Variants in FSTL5 observed in about 807,000 individuals in gnomAD.
FSTL5 encodes follistatin like 5.
Under a neutral mutation model 89.1 loss-of-function variants are expected in FSTL5, and 62 were observed. The ratio of observed to expected loss-of-function variants is 0.70; its 90% confidence interval spans 0.57 to 0.86. FSTL5 has a LOEUF of 0.86. FSTL5 is among the 40% of genes least tolerant of loss of function. The pLI is 0.00. For synonymous variants in FSTL5, 383 were observed against 346.2 expected, an observed-to-expected ratio of 1.11 and a Z score of -1.18; for missense variants, 1,057 against 1,001.6, an observed-to-expected ratio of 1.06 and a Z score of -0.75.
At chr4:162,038,362 T>C (rs944253035) in intron 2 of FSTL5, among the ~76,000 whole-genome samples, 7 of 151,900 alleles carry the variant, frequency 4.6e-5, no homozygotes, top group African/African-American at 1.7e-4. Flanking sequence ...GACAGTATGA[T>C]AAAGATTAGC....
rs1250585538 is a variant in FSTL5, at chr4:161,384,275, T to C, written c.*1472A>G. The C allele has an allele frequency of 6.6e-6, 1 of 152,134 alleles. No individual in the cohort carries two copies. Among genetic ancestry groups the C allele is most frequent in the Non-Finnish European group, 1.5e-5 (1 of 67,988 alleles). 9.4% of individuals were successfully genotyped at this position (152,134 alleles called of 1,614,324 possible). A position where few individuals can be genotyped will look rare whatever the true frequency, so the allele number is the denominator to read the frequency against. On this transcript the variant is annotated 3_prime_UTR_variant, in exon 16 of 16. Transcript: ENST00000306100. ...ATTTGTATATTTAAAAAAGACCTTATTGGATTACCTTAAGTAAATGGAGGT... is the reference window on the plus strand; with the variant it reads ...ATTTGTATATTTAAAAAAGACCTTACTGGATTACCTTAAGTAAATGGAGGT...
rs796103469 is a variant in FSTL5 at position 161,644,103 on chromosome 4, T to TAA, written c.894+12223_894+12224dup. The stretch of plus-strand genomic sequence containing the variant: ...ACTTTAGTTTTTTGATGAGGAACTT[T>TAA]AAAAAAAAAAAAGAGTAAGTTCAGG... On this transcript the variant is annotated intron_variant, in intron 7 of 15. Transcript: ENST00000306100. Among the ~76,000 whole-genome samples, 34 of 145,240 alleles carry TAA rather than the reference T, an allele frequency of 2.3e-4. 1 individual carries two copies. The South Asian group carries it at 6.7e-3, about 29-fold the overall frequency.
chr4:162,118,524 G>A (rs1431767704), intron 1 of FSTL5, among the ~76,000 whole-genome samples: 1 of 152,166 alleles, frequency 6.6e-6, no homozygotes, highest in African/African-American at 2.4e-5. Flanking sequence ...GCCTCCCAAA[G>A]TGCTGGGATT....
chr4:161,972,261 T>G (rs1735505733), intron 3 of FSTL5, among the ~76,000 whole-genome samples: 1 of 151,996 alleles, frequency 6.6e-6, no homozygotes, highest in African/African-American at 2.4e-5. Flanking sequence ...CCAGCTAATT[T>G]TTTGTATTTT....
chr4:161,725,159 G>A (rs2126755745), intron 6 of FSTL5, among the ~76,000 whole-genome samples: 1 of 152,144 alleles, frequency 6.6e-6, no homozygotes, highest in African/African-American at 2.4e-5. Flanking sequence ...TCACACCACT[G>A]CACTCCAGCC....
chr4:161,503,716 T>C (rs17339916), intron 11 of FSTL5, among the ~76,000 whole-genome samples: 45,214 of 151,788 alleles, frequency 0.3, 7,690 homozygotes, highest in Non-Finnish European at 0.4. Flanking sequence ...CTGGCCAATA[T>C]ATATAGTGTT....
intron 3 of FSTL5, among the ~76,000 whole-genome samples, chr4:161,952,125 G>C (rs1052536718): frequency 5.3e-5 from 8 of 151,932 alleles, no homozygotes; most frequent in African/African-American, 1.9e-4. Flanking sequence ...GGAGTTTAAG[G>C]GTTATAAGAA....
chr4:161,798,833 T>C (rs1729712510), intron 4 of FSTL5, among the ~76,000 whole-genome samples: 1 of 151,662 alleles, frequency 6.6e-6, no homozygotes, highest in Non-Finnish European at 1.5e-5. Context: ...ATAATCTGTT[T>C]TAATAAAGAA....
At chr4:162,146,147 A>G (rs1309569854) in intron 1 of FSTL5, among the ~76,000 whole-genome samples, 2 of 152,186 alleles carry the variant, frequency 1.3e-5, no homozygotes, top group Admixed American at 6.5e-5. Flanking sequence ...AGCTTAACCA[A>G]TTAAGCACCC....
chr4:162,136,075 A>G (rs1490780006), intron 1 of FSTL5, among the ~76,000 whole-genome samples: 3 of 152,078 alleles, frequency 2.0e-5, no homozygotes, highest in African/African-American at 2.4e-5. Context: ...TGAGTACTGT[A>G]GTTTTCCACT....
At chr4:161,981,178 A>G (rs1735818202) in intron 3 of FSTL5, among the ~76,000 whole-genome samples, 1 of 152,178 alleles carries the variant, frequency 6.6e-6, no homozygotes, top group Admixed American at 6.5e-5. Flanking sequence ...AGTACAGGAA[A>G]AGATTTGATG....
At position 161,417,438 on chromosome 4, in the gene FSTL5, G is replaced by A. The variant is rs75601438; in HGVS notation, c.1842-30989C>T. On this transcript the variant is annotated intron_variant, in intron 15 of 15. Transcript: ENST00000306100. ...ACCTTACATTTCAGCTAAATTTATA[G>A]AGTTGCTATTTTATTTAACATGCTT... Among the ~76,000 whole-genome samples the A allele has an allele frequency of 3.5e-3, 531 of 152,218 alleles. 13 individuals carry two copies. The East Asian group carries it at 0.054, about 16-fold the overall frequency.
intron 7 of FSTL5, among the ~76,000 whole-genome samples, chr4:161,601,421 C>T (rs1484470540): frequency 1.3e-5 from 2 of 151,636 alleles, no homozygotes; most frequent in Non-Finnish European, 2.9e-5. Flanking sequence ...GAAAGACCCT[C>T]CTTGTTCCAG....
intron 6 of FSTL5, among the ~76,000 whole-genome samples, chr4:161,751,534 T>A (rs1290645314): frequency 6.6e-6 from 1 of 152,094 alleles, no homozygotes; most frequent in Non-Finnish European, 1.5e-5. Context: ...ACACTTGTAA[T>A]CCCAGCACTT....
intron 6 of FSTL5, among the ~76,000 whole-genome samples, chr4:161,668,735 C>G (rs1298280618): frequency 6.6e-6 from 1 of 152,072 alleles, no homozygotes; most frequent in African/African-American, 2.4e-5. Flanking sequence ...TAAATGTACT[C>G]ATCACATCAA....
chr4:162,120,118 T>C (rs986263521), intron 1 of FSTL5, among the ~76,000 whole-genome samples: 1 of 152,154 alleles, frequency 6.6e-6, no homozygotes, highest in African/African-American at 2.4e-5. Context: ...CAAATTGTAA[T>C]CAATTATACC....
chr4:161,420,579 G>A (rs1731948765), intron 15 of FSTL5, among the ~76,000 whole-genome samples: 1 of 151,772 alleles, frequency 6.6e-6, no homozygotes, highest in African/African-American at 2.4e-5. Context: ...AGAATATCAA[G>A]GGGAAGAGTA....
rs568653968 is a variant in FSTL5 at position 162,125,861 on chromosome 4, A to G, written c.-16-14449T>C. 7.9e-5 allele frequency among the ~76,000 whole-genome samples: 12 copies of G among 152,124 alleles called. No homozygotes were observed. The East Asian group carries it at 2.3e-3, about 29-fold the overall frequency. On this transcript the variant is annotated intron_variant, in intron 1 of 15. Transcript: ENST00000306100. ...CTAATATATTTGAACATATTTCTAC[A>G]TGTACTTTTGTGCCTGTGTGTGTTT...
chr4:161,660,132 AT>A (rs1234017801), intron 6 of FSTL5, among the ~76,000 whole-genome samples: 2 of 152,008 alleles, frequency 1.3e-5, no homozygotes, highest in African/African-American at 2.4e-5. Flanking sequence ...AATTTTAATG[AT>A]TTTTTTCTGA....
Sources: allele counts gnomAD v4.1 joint callset (sites outside exome capture counted in the v4.1 genomes callset), GRCh38; gene constraint gnomAD v4.1.1; transcripts MANE v1.5; gene names NCBI Gene and HGNC (gene_info 2026-07-23, HGNC 2026-07-21).